CFAP107: variants seen among roughly 807,000 people sequenced by gnomAD.
CFAP107 encodes cilia- and flagella-associated protein 107.
the CFAP107 span, among the ~76,000 whole-genome samples, chr1:12,757,229 A>T: frequency 6.6e-6 from 1 of 152,182 alleles, no homozygotes; most frequent in Admixed American, 6.5e-5. Flanking sequence ...TCTGACTAAG[A>T]GTTTAACATA....
the CFAP107 span, among the ~76,000 whole-genome samples, chr1:12,748,382 T>C: frequency 1.3e-5 from 2 of 151,114 alleles, no homozygotes. Context: ...ATAGAACATC[T>C]GAAGTCGAAG....
the CFAP107 span, among the ~76,000 whole-genome samples, chr1:12,753,038 G>A: frequency 6.6e-6 from 1 of 152,064 alleles, no homozygotes; most frequent in African/African-American, 2.4e-5. Context: ...AATGAGTTAA[G>A]CAAAGTATGC....
At chr1:12,753,527 A>G in the CFAP107 span, 1 of 152,186 alleles carries the variant, frequency 6.6e-6, no homozygotes, top group Non-Finnish European at 1.5e-5. Context: ...AGATACATAG[A>G]CCTATAGAAC....
chr1:12,760,836 T>C, the CFAP107 span: 2 of 1,614,182 alleles, frequency 1.2e-6, no homozygotes, highest in Non-Finnish European at 1.7e-6. Flanking sequence ...AAGGCTGGCC[T>C]GAAGCAGAGC....
chr1:12,758,943 A>G, the CFAP107 span, among the ~76,000 whole-genome samples: 1 of 152,164 alleles, frequency 6.6e-6, no homozygotes, highest in Non-Finnish European at 1.5e-5. Context: ...GCTTGGATTC[A>G]TGAGACTTGA....
the CFAP107 span, chr1:12,759,543 A>AC: frequency 2.5e-6 from 4 of 1,594,846 alleles, no homozygotes; most frequent in African/African-American, 5.4e-5. Context: ...TGCACAGACC[A>AC]ACGGAGCTGT....
the CFAP107 span, chr1:12,759,222 C>A: frequency 2.1e-6 from 3 of 1,455,458 alleles, no homozygotes; most frequent in Non-Finnish European, 1.9e-6. Context: ...CACCACAGAC[C>A]CCTACATGTG....
chr1:12,756,173 A>T, the CFAP107 span, among the ~76,000 whole-genome samples: 1 of 152,334 alleles, frequency 6.6e-6, no homozygotes, highest in East Asian at 1.9e-4. Flanking sequence ...GTATTTGGAC[A>T]AACAGTGTTG....
At chr1:12,754,568 A>G in the CFAP107 span, among the ~76,000 whole-genome samples, 3 of 152,254 alleles carry the variant, frequency 2.0e-5, no homozygotes, top group Non-Finnish European at 4.4e-5. Flanking sequence ...TCACATTAAT[A>G]GTAACTATTC....
At chr1:12,763,424 G>C in the CFAP107 span, 4 of 152,194 alleles carry the variant, frequency 2.6e-5, no homozygotes, top group African/African-American at 9.7e-5. Flanking sequence ...GGGCCAGGGA[G>C]AATCAGGTAG....
chr1:12,756,003 A>C, the CFAP107 span, among the ~76,000 whole-genome samples: 1 of 152,210 alleles, frequency 6.6e-6, no homozygotes, highest in Non-Finnish European at 1.5e-5. Context: ...TGATCTGTTT[A>C]ATGTCAAACT....
At chr1:12,748,346 C>A in the CFAP107 span, among the ~76,000 whole-genome samples, 1 of 151,042 alleles carries the variant, frequency 6.6e-6, no homozygotes, top group Non-Finnish European at 1.5e-5. Flanking sequence ...ATATCTGGGG[C>A]AAGAGATTAT....
chr1:12,762,710 C>G, the CFAP107 span: 1 of 152,466 alleles, frequency 6.6e-6, no homozygotes, highest in Non-Finnish European at 1.5e-5. Flanking sequence ...CTCAGTCCAG[C>G]AGTCAGGGAG....
At chr1:12,758,388 T>C in the CFAP107 span, among the ~76,000 whole-genome samples, 1 of 152,200 alleles carries the variant, frequency 6.6e-6, no homozygotes, top group South Asian at 2.1e-4. Flanking sequence ...CCTTTGTTGA[T>C]GGGAAACCCT....
chr1:12,752,144 A>T, the CFAP107 span, among the ~76,000 whole-genome samples: 1 of 152,210 alleles, frequency 6.6e-6, no homozygotes, highest in Non-Finnish European at 1.5e-5. Flanking sequence ...AAAGGCGAAG[A>T]CATCACAAGA....
At chr1:12,760,998 C>T in the CFAP107 span, 16 of 1,529,816 alleles carry the variant, frequency 1.0e-5, no homozygotes, top group Non-Finnish European at 1.3e-5. Flanking sequence ...CTGGAGACCA[C>T]AGCATCACTG....
At chr1:12,751,717 G>A in the CFAP107 span, among the ~76,000 whole-genome samples, 10 of 151,564 alleles carry the variant, frequency 6.6e-5, no homozygotes, top group African/African-American at 1.2e-4. Flanking sequence ...ATTGACTAAC[G>A]GAAAAAAAGA....
At chr1:12,759,558 G>C in the CFAP107 span, 8 of 1,561,970 alleles carry the variant, frequency 5.1e-6, no homozygotes, top group South Asian at 7.8e-5. Flanking sequence ...AGCTGTACCT[G>C]CCTCATGCAG....
chr1:12,752,402 T>C, the CFAP107 span, among the ~76,000 whole-genome samples: 1 of 151,256 alleles, frequency 6.6e-6, no homozygotes, highest in Non-Finnish European at 1.5e-5. Flanking sequence ...CTGGCCAACA[T>C]GATGAAACCT....
Sources: gnomAD v4.1 joint callset for allele counts (sites outside exome capture counted in the v4.1 genomes callset) on GRCh38, gnomAD v4.1.1 for gene constraint, MANE v1.5 for transcripts, NCBI Gene and HGNC (gene_info 2026-07-23, HGNC 2026-07-21) for gene names.